DPF3: variants seen among roughly 807,000 people sequenced by gnomAD.
DPF3 encodes the protein zinc finger protein DPF3.
A neutral mutation model predicts 56.8 loss-of-function variants in DPF3; 18 were observed. That is an observed-to-expected ratio of 0.32 (90% CI 0.22 to 0.47). The LOEUF (loss-of-function observed/expected upper bound fraction) is 0.47. Among genes scored for constraint, DPF3 ranks in the 20% least tolerant of loss-of-function variants. The pLI is 1.00. For missense variants in DPF3, 403 were observed against 488.8 expected, an observed-to-expected ratio of 0.82 and a Z score of 1.65; for synonymous variants, 188 against 180.2, an observed-to-expected ratio of 1.04 and a Z score of -0.35.
intron 1 of DPF3, among the ~76,000 whole-genome samples, chr14:72,875,120 T>G (rs1886062444): frequency 6.6e-6 from 1 of 152,124 alleles, no homozygotes; most frequent in Non-Finnish European, 1.5e-5. Context: ...AAAAATAGCA[T>G]GGGAAAGACT....
intron 1 of DPF3, among the ~76,000 whole-genome samples, chr14:72,811,079 A>G (rs1883024969): frequency 6.6e-6 from 1 of 152,192 alleles, no homozygotes; most frequent in South Asian, 2.1e-4. Flanking sequence ...GGTGAGAGCA[A>G]GACCAAGGCA....
rs559789215 is a variant in DPF3, at chr14:72,836,390, C to A, written c.32+57667G>T. The A allele has an allele frequency of 2.0e-5, 20 of 985,526 alleles. No individual in the cohort carries two copies. In the African/African-American group the frequency reaches 3.1e-4, roughly 15 times the overall value. 61.0% of individuals were successfully genotyped at this position (985,526 alleles called of 1,614,324 possible). A position where few individuals can be genotyped will look rare whatever the true frequency, so the allele number is the denominator to read the frequency against. ...CCAGAGAAACTGTCAGAGCAGGGGG[C>A]AAACCCCTGGCCTACTCCAGCCACT... is the stretch of plus-strand genomic sequence containing the variant. On this transcript the variant is annotated intron_variant, in intron 1 of 10. Transcript: ENST00000556509.
chr14:72,807,653 C>T (rs1388159188), intron 1 of DPF3, among the ~76,000 whole-genome samples: 1 of 152,200 alleles, frequency 6.6e-6, no homozygotes, highest in Admixed American at 6.5e-5. Flanking sequence ...TTTTTAACAA[C>T]CAACTCTCCA....
intron 8 of DPF3, chr14:72,670,368 G>T: frequency 1.0e-6 from 1 of 986,206 alleles, no homozygotes; most frequent in Non-Finnish European, 1.2e-6. Flanking sequence ...TGACGGAGGA[G>T]GAGGAGCCCA....
intron 1 of DPF3, among the ~76,000 whole-genome samples, chr14:72,807,906 A>G (rs1882859147): frequency 6.6e-6 from 1 of 152,196 alleles, no homozygotes; most frequent in African/African-American, 2.4e-5. Flanking sequence ...TGGAGGCTGC[A>G]GTGAGTTATG....
intron 1 of DPF3, among the ~76,000 whole-genome samples, chr14:72,801,431 A>G (rs1431065009): frequency 6.6e-6 from 1 of 152,212 alleles, no homozygotes; most frequent in Non-Finnish European, 1.5e-5. Flanking sequence ...CACCTGGCTG[A>G]AGGCATCATC....
intron 9 of DPF3, among the ~76,000 whole-genome samples, chr14:72,627,057 A>C (rs1443040528): frequency 6.6e-6 from 1 of 151,642 alleles, no homozygotes; most frequent in African/African-American, 2.4e-5. Context: ...TTATATAGGG[A>C]ATTAGCCCTT....
chr14:72,745,034 G>A (rs1203199085), intron 3 of DPF3, among the ~76,000 whole-genome samples: 1 of 150,598 alleles, frequency 6.6e-6, no homozygotes, highest in African/African-American at 2.4e-5. Flanking sequence ...CTGTCAAGGG[G>A]AGGTCACACC....
chr14:72,775,017 G>A (rs989633836), intron 1 of DPF3, among the ~76,000 whole-genome samples: 4 of 152,200 alleles, frequency 2.6e-5, no homozygotes, highest in African/African-American at 9.7e-5. Flanking sequence ...AGGCTGTTCA[G>A]GGTATCCTGG....
rs995891207 is a variant in DPF3 at position 72,611,901 on chromosome 14, G to A, written c.*7396C>T. ...AAACCTACATATACTTACACCTTCC[G>A]TGATGGCGCGATACTTGACCTACAA... On this transcript the variant is annotated 3_prime_UTR_variant, in exon 11 of 11. Transcript: ENST00000556509. 3.9e-5 allele frequency among the ~76,000 whole-genome samples: 6 copies of A among 152,020 alleles called. No homozygotes were observed. The highest frequency in any genetic ancestry group is 1.9e-4 in the East Asian group (1 of 5,174).
intron 1 of DPF3, among the ~76,000 whole-genome samples, chr14:72,833,947 C>T (rs568084980): frequency 2.0e-4 from 31 of 151,750 alleles, no homozygotes; most frequent in Non-Finnish European, 3.7e-4. Flanking sequence ...TTTGGGAGGT[C>T]GAGGCAGGTG....
At chr14:72,848,408 G>T (rs780528824) in intron 1 of DPF3, among the ~76,000 whole-genome samples, 1 of 152,164 alleles carries the variant, frequency 6.6e-6, no homozygotes, top group South Asian at 2.1e-4. Context: ...CATGTGATCC[G>T]CCCGCCTTGG....
chr14:72,711,636 C>A (rs1888657162), intron 6 of DPF3, among the ~76,000 whole-genome samples: 1 of 152,038 alleles, frequency 6.6e-6, no homozygotes, highest in African/African-American at 2.4e-5. Context: ...GGGTGGGGCC[C>A]TAAGTCAACC....
chr14:72,820,234 T>G (rs1277138570), intron 1 of DPF3, among the ~76,000 whole-genome samples: 1 of 152,148 alleles, frequency 6.6e-6, no homozygotes, highest in Non-Finnish European at 1.5e-5. Context: ...TATGACAAAT[T>G]AATATTCTTA....
intron 1 of DPF3, among the ~76,000 whole-genome samples, chr14:72,775,174 G>A (rs145591433): frequency 6.6e-6 from 1 of 152,180 alleles, no homozygotes; most frequent in African/African-American, 2.4e-5. Flanking sequence ...AAAAAAAGAT[G>A]TTAATTATCC....
At chr14:72,692,453 C>T (rs576875314) in intron 7 of DPF3, among the ~76,000 whole-genome samples, 53 of 152,306 alleles carry the variant, frequency 3.5e-4, no homozygotes, top group African/African-American at 1.2e-3. Context: ...AGCAGAGAAA[C>T]GGAAACACAA....
At chr14:72,845,047 G>T (rs1271075928) in intron 1 of DPF3, among the ~76,000 whole-genome samples, 2 of 152,192 alleles carry the variant, frequency 1.3e-5, no homozygotes, top group Non-Finnish European at 2.9e-5. Flanking sequence ...GGAGGCTGCA[G>T]TGAGCTATAA....
intron 8 of DPF3, among the ~76,000 whole-genome samples, chr14:72,667,867 T>C (rs1264028931): frequency 6.6e-6 from 1 of 152,218 alleles, no homozygotes; most frequent in East Asian, 1.9e-4. Context: ...TATTCCTTAA[T>C]TATAGACTAT....
At chr14:72,716,199 G>C (rs1391156195) in intron 5 of DPF3, among the ~76,000 whole-genome samples, 1 of 152,048 alleles carries the variant, frequency 6.6e-6, no homozygotes, top group Non-Finnish European at 1.5e-5. Flanking sequence ...GATGTACGAG[G>C]GCTTCTGGGG....
Sources: allele counts gnomAD v4.1 joint callset (sites outside exome capture counted in the v4.1 genomes callset), GRCh38; gene constraint gnomAD v4.1.1; transcripts MANE v1.5; gene names NCBI Gene and HGNC (gene_info 2026-07-23, HGNC 2026-07-21).